Variants in LRP1B observed in about 807,000 individuals in gnomAD.
The protein encoded by LRP1B is LDL receptor related protein 1B, also known as low-density lipoprotein receptor-related protein 1B.
LRP1B carries 217 observed loss-of-function variants against 556.6 expected under a neutral mutation model. The ratio of observed to expected loss-of-function variants is 0.39; its 90% CI spans 0.35 to 0.44. The LOEUF (loss-of-function observed/expected upper bound fraction) is 0.44, where lower values mean the gene tolerates loss of function less well. LRP1B is among the 20% of genes least tolerant of loss of function. The pLI is 1.00. For synonymous variants in LRP1B, 2,047 were observed against 1,865.8 expected (o/e 1.10, Z -2.50); for missense variants, 5,053 against 5,620.8 (o/e 0.90, Z 3.23).
chr2:140,800,963 G>C (rs1181083469), intron 32 of LRP1B, among the ~76,000 whole-genome samples: 1 of 151,794 alleles, frequency 6.6e-6, no homozygotes, highest in African/African-American at 2.4e-5. Flanking sequence ...ATATATTTAT[G>C]GCCATGGTCA....
chr2:141,170,657 T>C (rs1451644798), intron 7 of LRP1B, among the ~76,000 whole-genome samples: 4 of 152,066 alleles, frequency 2.6e-5, no homozygotes, highest in Non-Finnish European at 5.9e-5. Context: ...TTCTATCCTT[T>C]TAAGGTATGC....
chr2:141,571,084 C>T (rs1049968623), intron 2 of LRP1B, among the ~76,000 whole-genome samples: 2 of 151,244 alleles, frequency 1.3e-5, no homozygotes, highest in African/African-American at 4.8e-5. Context: ...GGTCCTGTGC[C>T]CTGTGCCACC....
chr2:141,367,454 T>C lies in LRP1B; in HGVS notation c.344-112813A>G, dbSNP rs1216862959. Among the ~76,000 whole-genome samples, 6 of 149,736 alleles carry C rather than the reference T, an allele frequency of 4.0e-5. No homozygotes were observed. In the East Asian group the frequency reaches 1.2e-3, roughly 29 times the overall value. The stretch of plus-strand genomic sequence containing the variant: ...ATTTTTGAAACGTATTTTGGATTGG[T>C]TTAGACATTTGAAATGCTTTTTTTT... On this transcript the variant is annotated intron_variant, in intron 3 of 90. Coordinates refer to ENST00000389484, the MANE Select transcript of LRP1B (RefSeq NM_018557.3).
chr2:141,351,465 A>G (rs1445169710), intron 3 of LRP1B, among the ~76,000 whole-genome samples: 1 of 151,996 alleles, frequency 6.6e-6, no homozygotes, highest in African/African-American at 2.4e-5. Flanking sequence ...AGGCTGTTCT[A>G]TATACAAATA....
intron 3 of LRP1B, among the ~76,000 whole-genome samples, chr2:141,480,104 C>T (rs4480937): frequency 0.96 from 145,895 of 152,232 alleles, 70,222 homozygotes; most frequent in East Asian, 1. Flanking sequence ...TGCTCAAAAG[C>T]ACTTTTTTAT....
chr2:140,532,945 T>C (rs10208327), intron 47 of LRP1B, among the ~76,000 whole-genome samples: 15 of 92,698 alleles, frequency 1.6e-4, no homozygotes, highest in African/African-American at 4.9e-4. Context: ...TATATATATA[T>C]ATACACATAT....
chr2:140,895,237 C>T (rs914803899), intron 23 of LRP1B, among the ~76,000 whole-genome samples: 2 of 151,956 alleles, frequency 1.3e-5, no homozygotes, highest in African/African-American at 4.8e-5. Flanking sequence ...TGTGAAAATA[C>T]AATCTGATTC....
chr2:141,451,300 A>C (rs2105023012), intron 3 of LRP1B, among the ~76,000 whole-genome samples: 1 of 152,334 alleles, frequency 6.6e-6, no homozygotes, highest in Non-Finnish European at 1.5e-5. Flanking sequence ...CCAATGTTTT[A>C]AGTGTGTACT....
At chr2:140,542,024 C>G (rs1006170978) in intron 43 of LRP1B, 53 bp from the exon 44 acceptor site, 3 of 1,159,706 alleles carry the variant, frequency 2.6e-6, no homozygotes, top group Middle Eastern at 2.4e-4. Context: ...GACATTTATA[C>G]GTCCACACCT....
chr2:141,268,434 GT>G (rs1684969498), intron 3 of LRP1B, among the ~76,000 whole-genome samples: 1 of 152,036 alleles, frequency 6.6e-6, no homozygotes, highest in Non-Finnish European at 1.5e-5. Context: ...AGAGATGATG[GT>G]CAGGGCAGCT....
At chr2:141,469,602 T>A (rs1400132971) in intron 3 of LRP1B, among the ~76,000 whole-genome samples, 5 of 152,176 alleles carry the variant, frequency 3.3e-5, no homozygotes, top group Non-Finnish European at 5.9e-5. Context: ...AATGGATTAT[T>A]TAAAAAGCCA....
chr2:141,643,164 A>G (rs1415286194), intron 2 of LRP1B, among the ~76,000 whole-genome samples: 1 of 152,134 alleles, frequency 6.6e-6, no homozygotes, highest in East Asian at 1.9e-4. Flanking sequence ...ACATTGTTTG[A>G]GGTGTAATTG....
intron 87 of LRP1B, among the ~76,000 whole-genome samples, chr2:140,244,325 CAG>C (rs1199677632): frequency 6.6e-6 from 1 of 151,266 alleles, no homozygotes; most frequent in Non-Finnish European, 1.5e-5. Flanking sequence ...GACCCCCTAA[CAG>C]ATATCTTGCC....
At chr2:141,289,290 G>A (rs556950322) in intron 3 of LRP1B, among the ~76,000 whole-genome samples, 1 of 149,514 alleles carries the variant, frequency 6.7e-6, no homozygotes, top group South Asian at 2.1e-4. Context: ...GCTGAGGCAG[G>A]AGAATGGCGT....
intron 7 of LRP1B, among the ~76,000 whole-genome samples, chr2:141,187,869 G>C (rs1681326395): frequency 6.6e-6 from 1 of 151,862 alleles, no homozygotes; most frequent in African/African-American, 2.4e-5. Flanking sequence ...GATGAATTCT[G>C]ATGAGGAATT....
intron 2 of LRP1B, among the ~76,000 whole-genome samples, chr2:141,798,530 A>C (rs1432084636): frequency 6.6e-6 from 1 of 151,874 alleles, no homozygotes; most frequent in Admixed American, 6.6e-5. Flanking sequence ...AACATGATGA[A>C]ACCCCGTCTC....
At chr2:141,336,030 T>C (rs1687835336) in intron 3 of LRP1B, among the ~76,000 whole-genome samples, 1 of 149,194 alleles carries the variant, frequency 6.7e-6, no homozygotes, top group African/African-American at 2.5e-5. Flanking sequence ...TTATCTCAGA[T>C]AGTTCAAATC....
chr2:140,833,808 T>A (rs1691802820), intron 31 of LRP1B, among the ~76,000 whole-genome samples: 1 of 152,204 alleles, frequency 6.6e-6, no homozygotes, highest in East Asian at 1.9e-4. Context: ...ACAAATTTTT[T>A]ACAAAGGTTA....
At chr2:140,905,688 C>T (rs1338525183) in intron 22 of LRP1B, among the ~76,000 whole-genome samples, 1 of 152,044 alleles carries the variant, frequency 6.6e-6, no homozygotes, top group Non-Finnish European at 1.5e-5. Context: ...GCCCCTTTAA[C>T]CCCCTTAGTG....
Sources: gnomAD v4.1 joint callset for allele counts (sites outside exome capture counted in the v4.1 genomes callset) on GRCh38, gnomAD v4.1.1 for gene constraint, MANE v1.5 for transcripts, NCBI Gene and HGNC (gene_info 2026-07-23, HGNC 2026-07-21) for gene names.